TSBP1: variants seen among roughly 807,000 people sequenced by gnomAD.
TSBP1 encodes testis expressed basic protein 1.
TSBP1 carries 56 observed loss-of-function variants against 68.8 expected under a neutral mutation model. That is an observed-to-expected ratio of 0.81 (90% CI 0.66 to 1.02). The LOEUF (loss-of-function observed/expected upper bound fraction) is 1.02, where lower values mean the gene tolerates loss of function less well. TSBP1 is among the 50% of genes least tolerant of loss of function. TSBP1 has a pLI of 0.00. For synonymous variants in TSBP1, 171 were observed against 208.7 expected (o/e 0.82, Z 1.56); for missense variants, 502 against 641.2 (o/e 0.78, Z 2.34).
At chr6:32,356,674 A>G (rs1231921290) in intron 6 of TSBP1, among the ~76,000 whole-genome samples, 2 of 151,974 alleles carry the variant, frequency 1.3e-5, no homozygotes, top group African/African-American at 4.8e-5. Flanking sequence ...AAGCCGAGAT[A>G]GTGCCACTGC....
chr6:32,292,800 C>G lies in TSBP1; in HGVS notation c.*181G>C. The G allele has an allele frequency of 1.8e-6, 1 of 541,458 alleles. No homozygotes were observed. The highest frequency in any genetic ancestry group is 3.2e-6 in the Non-Finnish European group (1 of 311,086). 33.5% of individuals were successfully genotyped at this position (541,458 alleles called of 1,614,324 possible). ...AACTTATAAAACAAATATTTGGAAA[C>G]TGAGGTTTGTGGCTGAGAGATTAAA... On this transcript the variant is annotated 3_prime_UTR_variant, in exon 23 of 23. Transcript: ENST00000612031. This position sits in a 1 kb window ranked among gnomAD's most constrained non-coding sequence, Gnocchi z 4.1.
chr6:32,324,153 G>A (rs1767948868), intron 16 of TSBP1, among the ~76,000 whole-genome samples: 2 of 152,162 alleles, frequency 1.3e-5, no homozygotes, highest in South Asian at 2.1e-4. Context: ...AGCAAAACAC[G>A]GAGGAAATAA....
intron 19 of TSBP1, among the ~76,000 whole-genome samples, chr6:32,307,214 C>T (rs1765854807): frequency 6.6e-6 from 1 of 152,024 alleles, no homozygotes. Flanking sequence ...TAATTTCTCT[C>T]TAAATGATAT....
rs117135583 is a variant in TSBP1 at position 32,302,824 on chromosome 6, G to C, written c.581-195C>G. 0.012 allele frequency among the ~76,000 whole-genome samples: 1,761 copies of C among 152,216 alleles called. 24 individuals are homozygous for C. The highest frequency in any genetic ancestry group is 0.033 in the South Asian group (158 of 4,816). On this transcript the variant is annotated intron_variant, in intron 19 of 22. Transcript: ENST00000612031. This position sits in a 1 kb window ranked among gnomAD's most constrained non-coding sequence, Gnocchi z 5.1. ...CTGACAGTTTTTACCACCTTTATGTGGTCCAACTTATTGTTGTCTCTCTAA... is the reference window on the plus strand; with the variant it reads ...CTGACAGTTTTTACCACCTTTATGTCGTCCAACTTATTGTTGTCTCTCTAA...
intron 9 of TSBP1, among the ~76,000 whole-genome samples, chr6:32,347,386 G>GT (rs1771164245): frequency 7.6e-6 from 1 of 131,114 alleles, no homozygotes; most frequent in African/African-American, 2.6e-5. Flanking sequence ...GTGATGTCTG[G>GT]TTTTTTGTAT....
rs116901471 is a variant in TSBP1 at position 32,361,805 on chromosome 6, A to G, written c.217+4362T>C. On this transcript the variant is annotated intron_variant, in intron 6 of 22. Transcript: ENST00000612031. The surrounding 1 kb of genome is among the most constrained non-coding windows in gnomAD (Gnocchi z 4.3). ...TGCTTTTGAGTTGTATGAGTTCCTTATATATTTTGGATATTACTGTGGTTT... is the reference window on the plus strand; with the variant it reads ...TGCTTTTGAGTTGTATGAGTTCCTTGTATATTTTGGATATTACTGTGGTTT... Among the ~76,000 whole-genome samples the G allele has an allele frequency of 3.3e-3, 497 of 152,158 alleles. 16 individuals carry two copies. In the East Asian group the frequency reaches 0.069, roughly 21 times the overall value.
chr6:32,369,594 CT>C (rs1452866069), intron 2 of TSBP1, among the ~76,000 whole-genome samples: 1 of 152,172 alleles, frequency 6.6e-6, no homozygotes, highest in African/African-American at 2.4e-5. Context: ...TGGTCTTGAA[CT>C]CCTGACCTTG....
chr6:32,320,222 T>C (rs1237402430), intron 18 of TSBP1: 2 of 456,762 alleles, frequency 4.4e-6, no homozygotes, highest in East Asian at 6.9e-5. Flanking sequence ...ACACTGCCAC[T>C]TAACCAGATC....
intron 19 of TSBP1, among the ~76,000 whole-genome samples, chr6:32,311,038 T>C (rs1326068553): frequency 1.3e-5 from 2 of 152,156 alleles, no homozygotes; most frequent in Non-Finnish European, 2.9e-5. Context: ...TTTTTGATGC[T>C]GTTGTTTATT....
intron 7 of TSBP1, 28 bp downstream of exon 7, chr6:32,355,616 CAAATT>C: frequency 6.3e-7 from 1 of 1,589,992 alleles, no homozygotes; most frequent in South Asian, 1.1e-5. Flanking sequence ...TAATAGGAAG[CAAATT>C]TTTGTTAAGA....
intron 6 of TSBP1, among the ~76,000 whole-genome samples, chr6:32,364,300 G>A (rs529798704): frequency 6.6e-6 from 1 of 152,048 alleles, no homozygotes; most frequent in Non-Finnish European, 1.5e-5. Flanking sequence ...CCTTAAATAA[G>A]CATTTATTCT....
Position 32,335,655 on chromosome 6 carries a change from A to G in TSBP1, c.452-198T>C, listed in dbSNP as rs1769563971. ...CATATAAGGGCCTCCTCATCTAAAAATCCCTTGTGTGATGCTGAGAAGCCA... is the reference window on the plus strand; with the variant it reads ...CATATAAGGGCCTCCTCATCTAAAAGTCCCTTGTGTGATGCTGAGAAGCCA... On this transcript the variant is annotated intron_variant, in intron 13 of 22. Transcript: ENST00000612031. The surrounding 1 kb of genome is among the most constrained non-coding windows in gnomAD (Gnocchi z 5.5). 6.6e-6 allele frequency among the ~76,000 whole-genome samples: 1 copy of G among 152,166 alleles called. No individual in the cohort carries two copies. The highest frequency in any genetic ancestry group is 2.1e-4 in the South Asian group (1 of 4,822).
rs1291065732 is a variant in TSBP1, at chr6:32,316,244, T to C, written c.560-452A>G. The stretch of plus-strand genomic sequence containing the variant: ...GATGAATCCTAGCTTAGTCCCTCTT[T>C]TAATTAGTGTTTAAAAAGATTCTCT... On this transcript the variant is annotated intron_variant, in intron 18 of 22. Transcript: ENST00000612031. The surrounding 1 kb of genome is among the most constrained non-coding windows in gnomAD (Gnocchi z 4.5). The C allele has an allele frequency of 5.0e-6, 3 of 601,938 alleles. No homozygotes were observed. Among genetic ancestry groups the C allele is most frequent in the Non-Finnish European group, 5.8e-6 (2 of 343,134 alleles). The allele number at this position is 601,938 out of a possible 1,614,324, so 37.3% of individuals were successfully genotyped here. A position where few individuals can be genotyped will look rare whatever the true frequency, so the allele number is the denominator to read the frequency against.
chr6:32,357,077 A>G lies in TSBP1; in HGVS notation c.218-1408T>C, dbSNP rs909105036. Among the ~76,000 whole-genome samples the G allele has an allele frequency of 6.6e-6, 1 of 152,204 alleles. No individual in the cohort carries two copies. Among genetic ancestry groups the G allele is most frequent in the African/African-American group, 2.4e-5 (1 of 41,458 alleles). The stretch of plus-strand genomic sequence containing the variant: ...TACATTTATATTCCTATGTCTAGAA[A>G]TAATGGAGGGAAGACTAGCAGGGCG... On this transcript the variant is annotated intron_variant, in intron 6 of 22. Transcript: ENST00000612031. The surrounding 1 kb of genome is among the most constrained non-coding windows in gnomAD (Gnocchi z 4.7).
rs1293461812 is a variant in TSBP1, at chr6:32,350,478, T to C, written c.260-649A>G. On this transcript the variant is annotated intron_variant, in intron 8 of 22. Coordinates refer to ENST00000612031, the Ensembl canonical transcript of TSBP1. ...TTGAAAACTAAAAAGAGAAGTAATA[T>C]ATTCAAGAAAAATATATCAAGAAGG... 2.0e-5 allele frequency among the ~76,000 whole-genome samples: 3 copies of C among 152,170 alleles called. No individual in the cohort carries two copies. In the East Asian group the frequency reaches 5.8e-4, roughly 29 times the overall value.
At chr6:32,368,627 G>T (rs1260877309) in intron 3 of TSBP1, among the ~76,000 whole-genome samples, 155 bp downstream of exon 3, 1 of 152,166 alleles carries the variant, frequency 6.6e-6, no homozygotes, top group Non-Finnish European at 1.5e-5. Flanking sequence ...ATCTCTGGTA[G>T]ATTTCTCCCA....
intron 8 of TSBP1, chr6:32,350,078 T>C (rs1364818183): frequency 4.6e-6 from 3 of 646,190 alleles, no homozygotes; most frequent in East Asian, 3.0e-5. Context: ...TCTTCTTTCA[T>C]TGGTGATTCT....
Position 32,337,055 on chromosome 6 carries a change from A to G in TSBP1, c.410-420T>C, listed in dbSNP as rs1311265861. Among the ~76,000 whole-genome samples, 4 of 152,180 alleles carry G rather than the reference A, an allele frequency of 2.6e-5. No homozygotes were observed. The highest frequency in any genetic ancestry group is 9.7e-5 in the African/African-American group (4 of 41,434). On this transcript the variant is annotated intron_variant, in intron 11 of 22. Transcript: ENST00000612031. The surrounding 1 kb of genome is among the most constrained non-coding windows in gnomAD (Gnocchi z 5.5). ...ACAGTTAGGATGTGGAGAGGACCCT[A>G]TATCCTACAGAAGGCCAAAGAACAT... is the stretch of plus-strand genomic sequence containing the variant.
rs1459267428 is a variant in TSBP1 at position 32,357,935 on chromosome 6, AGT to A, written c.218-2268_218-2267del. On this transcript the variant is annotated intron_variant, in intron 6 of 22. Transcript: ENST00000612031. The surrounding 1 kb of genome is among the most constrained non-coding windows in gnomAD (Gnocchi z 4.7). ...GGTTAAGGGAACTGAAATCCCCAGC[AGT>A]GTCTCTGGGGTGGGGCTGCATTCAC... Among the ~76,000 whole-genome samples, 1 of 152,158 alleles carries A rather than the reference AGT, an allele frequency of 6.6e-6. No homozygotes were observed. The highest frequency in any genetic ancestry group is 2.4e-5 in the African/African-American group (1 of 41,428).
Sources: allele counts gnomAD v4.1 joint callset (sites outside exome capture counted in the v4.1 genomes callset), GRCh38; gene constraint gnomAD v4.1.1; non-coding constraint Gnocchi (gnomAD v3.1); transcripts MANE v1.5; gene names NCBI Gene and HGNC (gene_info 2026-07-23, HGNC 2026-07-21).